Variants in DYNC2H1 observed in about 807,000 individuals in gnomAD.
DYNC2H1 encodes the protein cytoplasmic dynein 2 heavy chain 1.
A neutral mutation model predicts 570.0 loss-of-function variants in DYNC2H1; 410 were observed. That is an observed-to-expected ratio of 0.72 (90% CI 0.66 to 0.78). The LOEUF is 0.78. Among genes scored for constraint, DYNC2H1 ranks in the 30% least tolerant of loss-of-function variants. The pLI is 0.00. For missense variants in DYNC2H1, 4,865 were observed against 5,046.4 expected (o/e 0.96, Z 1.09); for synonymous variants, 1,688 against 1,677.6 (o/e 1.01, Z -0.15).
intron 83 of DYNC2H1, among the ~76,000 whole-genome samples, chr11:103,368,198 TAC>T (rs1482665771): frequency 6.6e-6 from 1 of 152,206 alleles, no homozygotes. Flanking sequence ...ATAATAGCTA[TAC>T]TAATTTACAA....
intron 59 of DYNC2H1, among the ~76,000 whole-genome samples, chr11:103,224,118 CAG>C (rs1211587947): frequency 6.6e-6 from 1 of 152,098 alleles, no homozygotes; most frequent in East Asian, 1.9e-4. Context: ...TTTTCCAAAA[CAG>C]TGTGTGGGCA....
intron 83 of DYNC2H1, among the ~76,000 whole-genome samples, chr11:103,361,237 G>A (rs190158598): frequency 6.6e-6 from 1 of 152,266 alleles, no homozygotes; most frequent in Admixed American, 6.5e-5. Context: ...CATAAGAATA[G>A]AGCCCTCACA....
At chr11:103,320,104 T>C (rs1476397589) in intron 80 of DYNC2H1, among the ~76,000 whole-genome samples, 1 of 152,220 alleles carries the variant, frequency 6.6e-6, no homozygotes, top group African/African-American at 2.4e-5. Flanking sequence ...GTGTCTCCTG[T>C]ATTTACTGTG....
intron 19 of DYNC2H1, among the ~76,000 whole-genome samples, chr11:103,148,190 T>G (rs1420037633): frequency 1.3e-5 from 2 of 152,178 alleles, no homozygotes; most frequent in Admixed American, 1.3e-4. Flanking sequence ...CAGTTTCTTC[T>G]TTTTCTTTAA....
intron 85 of DYNC2H1, among the ~76,000 whole-genome samples, chr11:103,453,802 TAC>T (rs1294517235): frequency 2.6e-5 from 4 of 151,616 alleles, no homozygotes; most frequent in African/African-American, 4.8e-5. Context: ...ATAATAAAGA[TAC>T]AGTTAAGTAT....
At position 103,117,707 on chromosome 11, in the gene DYNC2H1, AG is replaced by A; in HGVS notation, c.844del (p.Glu282LysfsTer3). ...GGGAAGATCCTTATTATCTTGTGAAAGAAAGTCTGAAAGCTGGTATTTCAAT... is the reference window on the plus strand; with the variant it reads ...GGGAAGATCCTTATTATCTTGTGAAAAAAGTCTGAAAGCTGGTATTTCAAT... ...LWEDPYYLVK[E>X]SLKAGISICE... On this transcript the variant is annotated frameshift_variant, in exon 6 of 89. Transcript: ENST00000375735. LOFTEE classifies it high-confidence loss of function. 1.2e-6 allele frequency: 2 copies of A among 1,612,710 alleles called. No individual in the cohort carries two copies. Among genetic ancestry groups the A allele is most frequent in the African/African-American group, 2.7e-5 (2 of 75,028 alleles).
intron 59 of DYNC2H1, 67 bp downstream of exon 59, chr11:103,223,153 A>G: frequency 1.5e-6 from 2 of 1,371,344 alleles, no homozygotes; most frequent in Middle Eastern, 2.4e-4. Flanking sequence ...GGTTTTAATA[A>G]TTATTATTTT....
intron 70 of DYNC2H1, among the ~76,000 whole-genome samples, chr11:103,262,834 T>G (rs768011266): frequency 2.0e-5 from 3 of 151,904 alleles, no homozygotes; most frequent in Non-Finnish European, 4.4e-5. Flanking sequence ...CAGGATCAAA[T>G]TCACACATAA....
intron 63 of DYNC2H1, among the ~76,000 whole-genome samples, chr11:103,238,886 A>G (rs1864322434): frequency 6.6e-6 from 1 of 152,156 alleles, no homozygotes. Flanking sequence ...GGCCATAGTG[A>G]TCATATGTCC....
chr11:103,181,673 AAT>A lies in DYNC2H1; in HGVS notation c.6348-83_6348-82del. On this transcript the variant is annotated intron_variant, in intron 39 of 88. Transcript: ENST00000375735. This position sits in a 1 kb window ranked among gnomAD's most constrained non-coding sequence, Gnocchi z 5.0. The stretch of plus-strand genomic sequence containing the variant: ...AGCAGACAAAATATGTGCGTAGAAT[AAT>A]GTTTATTGGAGAAGAAATTTATTTT... The A allele has an allele frequency of 7.2e-7, 1 of 1,386,938 alleles. No individual in the cohort carries two copies. The highest frequency in any genetic ancestry group is 1.4e-5 in the South Asian group (1 of 73,172). The allele number at this position is 1,386,938 out of a possible 1,614,324, so 85.9% of individuals were successfully genotyped here.
At chr11:103,436,893 A>G (rs1456519102) in intron 85 of DYNC2H1, among the ~76,000 whole-genome samples, 1 of 152,102 alleles carries the variant, frequency 6.6e-6, no homozygotes, top group Non-Finnish European at 1.5e-5. Context: ...TAGCACCTTC[A>G]GTATCCTAAC....
intron 28 of DYNC2H1, among the ~76,000 whole-genome samples, chr11:103,160,340 A>C (rs752988806): frequency 3.3e-5 from 5 of 152,032 alleles, no homozygotes; most frequent in African/African-American, 7.2e-5. Flanking sequence ...CATTTGGGTT[A>C]TTTCCAGTTT....
At chr11:103,438,962 T>C (rs1273413104) in intron 85 of DYNC2H1, among the ~76,000 whole-genome samples, 1 of 152,050 alleles carries the variant, frequency 6.6e-6, no homozygotes, top group Non-Finnish European at 1.5e-5. Flanking sequence ...TGGGCAACAA[T>C]GAGACCTCGC....
At chr11:103,441,221 G>GC (rs1319955536) in intron 85 of DYNC2H1, among the ~76,000 whole-genome samples, 1 of 151,920 alleles carries the variant, frequency 6.6e-6, no homozygotes, top group Non-Finnish European at 1.5e-5. Flanking sequence ...CTTTACCCTT[G>GC]CTGCTTCCTC....
chr11:103,122,737 A>G (rs1242479865), intron 10 of DYNC2H1, 88 bp from the exon 11 acceptor site: 4 of 1,106,580 alleles, frequency 3.6e-6, no homozygotes, highest in Non-Finnish European at 3.8e-6. Context: ...TAATTTCTGA[A>G]TCACAGATCA....
At chr11:103,253,871 G>A (rs1025019419) in intron 66 of DYNC2H1, among the ~76,000 whole-genome samples, 11 of 151,924 alleles carry the variant, frequency 7.2e-5, no homozygotes, top group Non-Finnish European at 1.3e-4. Flanking sequence ...AGAACACATG[G>A]CATCTTTGAA....
intron 75 of DYNC2H1, among the ~76,000 whole-genome samples, chr11:103,294,270 A>G (rs1866731850): frequency 6.6e-6 from 1 of 152,034 alleles, no homozygotes; most frequent in African/African-American, 2.4e-5. Flanking sequence ...ATGCTTGTGG[A>G]CCTTCATCAT....
chr11:103,424,164 A>T (rs1482047507), intron 84 of DYNC2H1, among the ~76,000 whole-genome samples: 2 of 152,170 alleles, frequency 1.3e-5, no homozygotes. Flanking sequence ...TTCTGGAATT[A>T]GTGGTTATGC....
intron 84 of DYNC2H1, among the ~76,000 whole-genome samples, chr11:103,432,558 C>T (rs505672): frequency 0.55 from 83,791 of 151,398 alleles, 23,752 homozygotes; most frequent in East Asian, 0.71. Context: ...GATTTACGAC[C>T]CATTGTGAAC....
Sources: allele counts gnomAD v4.1 joint callset (sites outside exome capture counted in the v4.1 genomes callset), GRCh38; gene constraint gnomAD v4.1.1; non-coding constraint Gnocchi (gnomAD v3.1); transcripts MANE v1.5; gene names NCBI Gene and HGNC (gene_info 2026-07-23, HGNC 2026-07-21).